The following NPAS2 variants were observed in gnomAD, a reference collection of about 807,000 sequenced individuals.
NPAS2 encodes neuronal PAS domain-containing protein 2.
In NPAS2, 23 loss-of-function variants were observed where a neutral mutation model predicts 107.5. The ratio of observed to expected loss-of-function variants is 0.21; its 90% confidence interval spans 0.15 to 0.30. NPAS2 has a LOEUF of 0.30. Among genes scored for constraint, NPAS2 ranks in the 10% least tolerant of loss-of-function variants. NPAS2 has a pLI of 1.00. For missense variants in NPAS2, 756 were observed against 1,043.3 expected (o/e 0.72, Z 3.79); for synonymous variants, 403 against 417.5 (o/e 0.97, Z 0.42).
chr2:100,839,498 G>A (rs551235242), intron 1 of NPAS2, among the ~76,000 whole-genome samples: 45 of 152,036 alleles, frequency 3.0e-4, no homozygotes, highest in Non-Finnish European at 6.0e-4. Context: ...TCTTTCTTAT[G>A]ATTTTCTTAA....
chr2:100,942,131 T>C (rs1196764485), intron 5 of NPAS2, among the ~76,000 whole-genome samples: 1 of 152,104 alleles, frequency 6.6e-6, no homozygotes, highest in Non-Finnish European at 1.5e-5. Flanking sequence ...TTCATAAAAC[T>C]GGAGAAATCT....
chr2:100,832,025 C>A (rs1676771776), intron 1 of NPAS2, among the ~76,000 whole-genome samples: 1 of 152,156 alleles, frequency 6.6e-6, no homozygotes, highest in Non-Finnish European at 1.5e-5. Flanking sequence ...TGGGATGCTT[C>A]CTGGCAAGGC....
intron 2 of NPAS2, among the ~76,000 whole-genome samples, chr2:100,913,518 GT>G (rs1200013327): frequency 6.6e-6 from 1 of 152,164 alleles, no homozygotes; most frequent in African/African-American, 2.4e-5. Flanking sequence ...CCTGATAGAC[GT>G]TATGGATAGT....
chr2:100,916,521 G>A (rs1003448875), intron 2 of NPAS2, among the ~76,000 whole-genome samples: 7 of 152,200 alleles, frequency 4.6e-5, no homozygotes, highest in African/African-American at 7.2e-5. Context: ...GTGACATTAC[G>A]TATGATACAG....
chr2:100,829,291 T>G (rs1187650200), intron 1 of NPAS2, among the ~76,000 whole-genome samples: 1 of 151,992 alleles, frequency 6.6e-6, no homozygotes, highest in East Asian at 1.9e-4. Context: ...TAGTTGGGAC[T>G]ACAGGCACGC....
chr2:100,837,688 C>T (rs17024867), intron 1 of NPAS2, among the ~76,000 whole-genome samples: 7,462 of 152,192 alleles, frequency 0.049, 626 homozygotes, highest in African/African-American at 0.17. Context: ...CTGGAAAATA[C>T]TTGGGGTTAG....
At chr2:100,852,106 A>G (rs1197479783) in intron 1 of NPAS2, among the ~76,000 whole-genome samples, 1 of 152,142 alleles carries the variant, frequency 6.6e-6, no homozygotes, top group Non-Finnish European at 1.5e-5. Context: ...TTAGCAAATA[A>G]AAGTTTTTGG....
chr2:100,874,236 C>T lies in NPAS2; in HGVS notation c.-22-30497C>T, dbSNP rs143896186. On this transcript the variant is annotated intron_variant, in intron 1 of 20. Transcript: ENST00000335681. ...ATGACCTCAAGCAATCCGCCTGCCT[C>T]GGCCTCCCAAAGTATATATAACCAA... 1.8e-3 allele frequency among the ~76,000 whole-genome samples: 273 copies of T among 152,114 alleles called. 2 individuals are homozygous for T. The Middle Eastern group carries it at 0.044, about 25-fold the overall frequency.
At chr2:100,832,420 G>T (rs972192298) in intron 1 of NPAS2, among the ~76,000 whole-genome samples, 1 of 152,200 alleles carries the variant, frequency 6.6e-6, no homozygotes, top group Non-Finnish European at 1.5e-5. Flanking sequence ...CTCAGCCAAG[G>T]CCTGCTGCTA....
rs1472640657 is a variant in NPAS2, at chr2:100,937,813, A to G, written c.334A>G (p.Ser112Gly). The G allele has an allele frequency of 1.9e-6, 3 of 1,614,028 alleles. No individual in the cohort carries two copies. Among genetic ancestry groups the G allele is most frequent in the Middle Eastern group, 1.6e-4 (1 of 6,084 alleles). ...TDGSIIYVSD[S>G]ITPLLGHLPS... Reference sequence around the variant, plus strand: ...CGGCAGCATCATCTATGTCTCTGACAGTATCACGCCTCTCCTTGGGCATTT... The same window carrying G: ...CGGCAGCATCATCTATGTCTCTGACGGTATCACGCCTCTCCTTGGGCATTT... Residue 112 changes from serine to glycine, a missense_variant, in exon 5 of 21, where the codon AGT becomes GGT. By Grantham distance (56) the Ser-to-Gly change is moderately conservative. This residue lies in a region of NPAS2 where 146 missense variants were observed against 249.6 expected (regional missense o/e 0.58). Coordinates refer to ENST00000335681, the MANE Select transcript of NPAS2 (RefSeq NM_002518.4).
At chr2:100,960,764 G>T (rs967961337) in intron 7 of NPAS2, among the ~76,000 whole-genome samples, 1 of 152,236 alleles carries the variant, frequency 6.6e-6, no homozygotes, top group South Asian at 2.1e-4. Context: ...CAAGGTCTGT[G>T]TGCTAGTTGC....
At chr2:100,847,927 G>A (rs1392720535) in intron 1 of NPAS2, among the ~76,000 whole-genome samples, 5 of 152,174 alleles carry the variant, frequency 3.3e-5, no homozygotes, top group African/African-American at 1.2e-4. Flanking sequence ...TACTGTGTTT[G>A]GGGAAGCTAC....
At chr2:100,905,292 T>G (rs1682074914) in intron 2 of NPAS2, among the ~76,000 whole-genome samples, 1 of 152,058 alleles carries the variant, frequency 6.6e-6, no homozygotes, top group Admixed American at 6.6e-5. Context: ...GGCTGTAGAT[T>G]GGAGATGTCA....
intron 7 of NPAS2, among the ~76,000 whole-genome samples, chr2:100,959,411 G>T (rs1675793421): frequency 1.3e-5 from 2 of 152,188 alleles, no homozygotes; most frequent in South Asian, 4.1e-4. Context: ...GGTAAGGTAG[G>T]CAGTGCCCCT....
intron 2 of NPAS2, among the ~76,000 whole-genome samples, chr2:100,909,947 G>C (rs151244823): frequency 1.3e-5 from 2 of 152,134 alleles, no homozygotes; most frequent in East Asian, 1.9e-4. Context: ...GCCTCCCTCT[G>C]CTGAGGGGCT....
chr2:100,965,625 C>A lies in NPAS2; in HGVS notation c.801-35C>A. ...CAGGGTGAGCCCTGCAGGGTGTCTC[C>A]TCCCTGATGACAAGTCCTCCTTGTC... On this transcript the variant is annotated intron_variant, in intron 9 of 20. Transcript: ENST00000335681. The surrounding 1 kb of genome is among the most constrained non-coding windows in gnomAD (Gnocchi z 4.3). 6.8e-7 allele frequency: 1 copy of A among 1,469,646 alleles called. No homozygotes were observed. Among genetic ancestry groups the A allele is most frequent in the Non-Finnish European group, 9.5e-7 (1 of 1,051,016 alleles). The allele number at this position is 1,469,646 out of a possible 1,614,324, so 91.0% of individuals were successfully genotyped here.
chr2:100,854,543 T>C (rs966485751), intron 1 of NPAS2, among the ~76,000 whole-genome samples: 2 of 152,100 alleles, frequency 1.3e-5, no homozygotes, highest in African/African-American at 4.8e-5. Flanking sequence ...GAAAGCATTT[T>C]CCCCCCAGCT....
intron 11 of NPAS2, 197 bp from the exon 12 acceptor site, chr2:100,970,793 G>A: frequency 2.1e-6 from 1 of 476,686 alleles, no homozygotes; most frequent in South Asian, 4.0e-5. Flanking sequence ...AATATTATAA[G>A]TCACTCAGGT....
Position 100,975,327 on chromosome 2 carries a change from TG to T in NPAS2, c.1283-129del, listed in dbSNP as rs1396973498. On this transcript the variant is annotated intron_variant, in intron 13 of 20. Coordinates refer to ENST00000335681, the MANE Select transcript of NPAS2 (RefSeq NM_002518.4). ...TTCTGTGGTTCAGCTCAACCCTGCA[TG>T]GTGGACTTCCTTTATCAGAGATCCC... 3.3e-5 allele frequency: 26 copies of T among 798,454 alleles called. No homozygotes were observed. The Middle Eastern group carries it at 7.2e-4, about 22-fold the overall frequency. The allele number at this position is 798,454 out of a possible 1,614,324, so 49.5% of individuals were successfully genotyped here. A position where few individuals can be genotyped will look rare whatever the true frequency, so the allele number is the denominator to read the frequency against.
Sources: allele counts gnomAD v4.1 joint callset (sites outside exome capture counted in the v4.1 genomes callset), GRCh38; gene constraint gnomAD v4.1.1; regional missense constraint gnomAD v4.1.1; non-coding constraint Gnocchi (gnomAD v3.1); transcripts MANE v1.5; gene names NCBI Gene and HGNC (gene_info 2026-07-23, HGNC 2026-07-21).